The following PVT1 variants were observed in gnomAD, a reference collection of about 807,000 sequenced individuals.
PVT1 encodes the protein Pvt1 oncogene.
chr8:128,086,250 G>C (rs79553590), intron 5 of PVT1, among the ~76,000 whole-genome samples: 13,409 of 152,198 alleles, frequency 0.088, 868 homozygotes, highest in Admixed American at 0.21. Context: ...TGGGCAGAGG[G>C]GGGTCTAGGC....
At chr8:127,815,941 T>G (rs1320234468) in intron 2 of PVT1, among the ~76,000 whole-genome samples, 1 of 152,114 alleles carries the variant, frequency 6.6e-6, no homozygotes, top group East Asian at 1.9e-4. Flanking sequence ...CTGGCCAACA[T>G]AGTGAAACCC....
intron 2 of PVT1, among the ~76,000 whole-genome samples, chr8:127,827,766 G>A (rs1056932041): frequency 6.6e-6 from 1 of 152,108 alleles, no homozygotes; most frequent in African/African-American, 2.4e-5. Context: ...CTTGAGTTGA[G>A]TTCTGCAGGA....
At chr8:127,958,783 A>G (rs1226394647) in intron 3 of PVT1, among the ~76,000 whole-genome samples, 1 of 152,138 alleles carries the variant, frequency 6.6e-6, no homozygotes, top group Non-Finnish European at 1.5e-5. Context: ...TTTTTCCAAC[A>G]TCTGGTTGTA....
chr8:127,943,602 G>A (rs534778377), intron 3 of PVT1, among the ~76,000 whole-genome samples: 5 of 152,248 alleles, frequency 3.3e-5, no homozygotes, highest in East Asian at 3.9e-4. Flanking sequence ...TCTGTCAGTC[G>A]CAACCCCAGC....
intron 4 of PVT1, among the ~76,000 whole-genome samples, chr8:128,022,340 G>C (rs1817447762): frequency 6.6e-6 from 1 of 152,204 alleles, no homozygotes; most frequent in Non-Finnish European, 1.5e-5. Context: ...TCTTCTCTGA[G>C]GAACTGCTTA....
chr8:128,098,611 T>G (rs920094411), intron 6 of PVT1, among the ~76,000 whole-genome samples: 4 of 152,214 alleles, frequency 2.6e-5, no homozygotes, highest in African/African-American at 9.7e-5. Context: ...TTACTTGTTT[T>G]TAAAATGATG....
intron 2 of PVT1, among the ~76,000 whole-genome samples, chr8:127,816,388 T>A (rs1181782599): frequency 2.0e-5 from 3 of 151,736 alleles, no homozygotes; most frequent in African/African-American, 7.3e-5. Flanking sequence ...GCTCGAGAGA[T>A]CCTCTTATCT....
intron 4 of PVT1, among the ~76,000 whole-genome samples, chr8:128,006,148 T>A (rs1039782884): frequency 8.3e-4 from 109 of 131,468 alleles, no homozygotes; most frequent in African/African-American, 1.3e-3. Flanking sequence ...ATAATAATAA[T>A]AAAAAGATAA....
At chr8:128,100,281 G>C (rs1814488127) in intron 6 of PVT1, among the ~76,000 whole-genome samples, 1 of 152,104 alleles carries the variant, frequency 6.6e-6, no homozygotes, top group South Asian at 2.1e-4. Flanking sequence ...GAGTGGCCCT[G>C]AGCTTGGTTC....
At chr8:127,799,008 T>G (rs1315244967) in intron 2 of PVT1, among the ~76,000 whole-genome samples, 1 of 152,118 alleles carries the variant, frequency 6.6e-6, no homozygotes, top group Non-Finnish European at 1.5e-5. Context: ...CAATGTCAGG[T>G]CATAAAACAC....
In PVT1 at chr8:127,967,786, C is replaced by T. The variant is rs115987690; in HGVS notation, n.783-21376C>T. 4.3e-3 allele frequency among the ~76,000 whole-genome samples: 656 copies of T among 152,348 alleles called. 7 individuals are homozygous for T. Among genetic ancestry groups the T allele is most frequent in the African/African-American group, 0.015 (625 of 41,576 alleles). ...ACATCCAGATAAGGAGAAGAGCTCA[C>T]GATGGTCCTGTAACTTGCCAGACAT... On this transcript the variant is annotated intron_variant and non_coding_transcript_variant, in intron 3 of 10. Coordinates refer to ENST00000651587, the Ensembl canonical transcript of PVT1.
Position 128,026,360 on chromosome 8 carries a change from G to A in PVT1, n.912+37069G>A, listed in dbSNP as rs1420388881. Among the ~76,000 whole-genome samples the A allele has an allele frequency of 3.3e-5, 5 of 152,012 alleles. No homozygotes were observed. In the East Asian group the frequency reaches 9.6e-4, roughly 29 times the overall value. On this transcript the variant is annotated intron_variant and non_coding_transcript_variant, in intron 4 of 10. Coordinates refer to ENST00000651587, the Ensembl canonical transcript of PVT1. Reference sequence around the variant, plus strand: ...GGGCTTGTGCTCAAATAAAGTGAGAGTAGGGAGAGAGAAATTCATGTTTCT... The same window carrying A: ...GGGCTTGTGCTCAAATAAAGTGAGAATAGGGAGAGAGAAATTCATGTTTCT...
At chr8:127,912,603 G>A (rs1283322087) in intron 3 of PVT1, among the ~76,000 whole-genome samples, 1 of 152,184 alleles carries the variant, frequency 6.6e-6, no homozygotes, top group Non-Finnish European at 1.5e-5. Flanking sequence ...GAGGAAGAAA[G>A]GTGAAGGAAT....
chr8:127,944,299 C>T (rs1317949373), intron 3 of PVT1, among the ~76,000 whole-genome samples: 2 of 152,112 alleles, frequency 1.3e-5, no homozygotes, highest in African/African-American at 2.4e-5. Context: ...GAATGTAAGT[C>T]ATGAAGATCT....
chr8:127,970,031 T>C (rs376503619), intron 3 of PVT1, among the ~76,000 whole-genome samples: 129 of 152,352 alleles, frequency 8.5e-4, no homozygotes, highest in African/African-American at 2.8e-3. Context: ...GACAGGGCTC[T>C]GACACCCATG....
intron 3 of PVT1, among the ~76,000 whole-genome samples, chr8:127,894,963 A>AGT: frequency 6.6e-6 from 1 of 152,334 alleles, no homozygotes; most frequent in South Asian, 2.1e-4. Context: ...AGGATCCCAG[A>AGT]ACGATAGCAC....
chr8:127,872,997 C>G (rs1392863222), intron 2 of PVT1, among the ~76,000 whole-genome samples: 1 of 152,216 alleles, frequency 6.6e-6, no homozygotes, highest in East Asian at 1.9e-4. Flanking sequence ...GAGCTGCTCT[C>G]TCCTACTGAG....
chr8:128,036,593 C>T (rs1813465800), intron 4 of PVT1, among the ~76,000 whole-genome samples: 1 of 152,048 alleles, frequency 6.6e-6, no homozygotes, highest in African/African-American at 2.4e-5. Flanking sequence ...AGTTTAGTGG[C>T]TATTCTGAAA....
At chr8:128,075,570 A>G (rs1353892402) in intron 5 of PVT1, among the ~76,000 whole-genome samples, 1 of 152,190 alleles carries the variant, frequency 6.6e-6, no homozygotes, top group Non-Finnish European at 1.5e-5. Flanking sequence ...TTGTCTCCTC[A>G]TTAGTTCTGT....
Sources: allele counts gnomAD v4.1 joint callset (sites outside exome capture counted in the v4.1 genomes callset), GRCh38; gene constraint gnomAD v4.1.1; transcripts MANE v1.5; gene names NCBI Gene and HGNC (gene_info 2026-07-23, HGNC 2026-07-21).